The following ARFGEF3 variants were observed in gnomAD, a reference collection of about 807,000 sequenced individuals.
ARFGEF3 encodes brefeldin A-inhibited guanine nucleotide-exchange protein 3.
Under a neutral mutation model 221.7 loss-of-function variants are expected in ARFGEF3, and 96 were observed. That is an observed-to-expected ratio of 0.43 (90% confidence interval 0.37 to 0.51). The LOEUF (loss-of-function observed/expected upper bound fraction) is 0.51. ARFGEF3 is among the 20% of genes least tolerant of loss of function. ARFGEF3 has a pLI of 0.00. For missense variants in ARFGEF3, 2,410 were observed against 2,789.9 expected (o/e 0.86, Z 3.07); for synonymous variants, 1,145 against 1,126.8 (o/e 1.02, Z -0.32).
intron 8 of ARFGEF3, among the ~76,000 whole-genome samples, chr6:138,247,893 T>C (rs1449387071): frequency 6.6e-6 from 1 of 152,126 alleles, no homozygotes; most frequent in Non-Finnish European, 1.5e-5. Context: ...CAGGATTCAT[T>C]TTAGTAACTT....
intron 2 of ARFGEF3, among the ~76,000 whole-genome samples, chr6:138,174,344 C>T (rs968386172): frequency 6.6e-6 from 1 of 151,708 alleles, no homozygotes; most frequent in Non-Finnish European, 1.5e-5. Context: ...GGGCTTTTCC[C>T]CCTGTGTTGT....
Position 138,196,924 on chromosome 6 carries a change from C to G in ARFGEF3, c.138-10118C>G, listed in dbSNP as rs528163258. On this transcript the variant is annotated intron_variant, in intron 2 of 33. Coordinates refer to ENST00000251691, the MANE Select transcript of ARFGEF3 (RefSeq NM_020340.5). ...TCTCGGCTCACCGCAACCTCCGCCTCCCGGGTTCAAACGATTCTCCTGCCT... is the reference window on the plus strand; with the variant it reads ...TCTCGGCTCACCGCAACCTCCGCCTGCCGGGTTCAAACGATTCTCCTGCCT... Among the ~76,000 whole-genome samples the G allele has an allele frequency of 2.6e-5, 4 of 151,144 alleles. No individual in the cohort carries two copies. The South Asian group carries it at 8.5e-4, about 32-fold the overall frequency.
rs1583035243 is a variant in ARFGEF3 at position 138,257,559 on chromosome 6, G to T, written c.1104+1790G>T. Among the ~76,000 whole-genome samples the T allele has an allele frequency of 2.0e-5, 3 of 152,280 alleles. No homozygotes were observed. In the South Asian group the frequency reaches 6.2e-4, roughly 32 times the overall value. ...TAGGCTTTAGGAGGTCAAATGGTTT[G>T]CCCAAAGTCCCAAAGAAAAAGAAAA... On this transcript the variant is annotated intron_variant, in intron 10 of 33. Coordinates refer to ENST00000251691, the MANE Select transcript of ARFGEF3 (RefSeq NM_020340.5).
At chr6:138,213,469 T>C (rs1158786440) in intron 4 of ARFGEF3, among the ~76,000 whole-genome samples, 1 of 151,614 alleles carries the variant, frequency 6.6e-6, no homozygotes, top group Non-Finnish European at 1.5e-5. Context: ...AAAAATATTG[T>C]CACTAAATAT....
intron 4 of ARFGEF3, among the ~76,000 whole-genome samples, chr6:138,223,098 T>C (rs1248728899): frequency 6.6e-6 from 1 of 152,198 alleles, no homozygotes; most frequent in Non-Finnish European, 1.5e-5. Context: ...TGACATTTCA[T>C]GGTCGAGGTA....
intron 22 of ARFGEF3, among the ~76,000 whole-genome samples, chr6:138,300,615 T>C (rs1236597308): frequency 1.3e-5 from 2 of 152,208 alleles, no homozygotes; most frequent in South Asian, 4.1e-4. Context: ...AAGGAAGATA[T>C]TGGGTTGGTG....
intron 6 of ARFGEF3, among the ~76,000 whole-genome samples, chr6:138,239,243 T>G (rs188786316): frequency 1.3e-5 from 2 of 152,198 alleles, no homozygotes; most frequent in Non-Finnish European, 2.9e-5. Flanking sequence ...CTCTTCAAAA[T>G]TGGTGTTTTG....
intron 2 of ARFGEF3, among the ~76,000 whole-genome samples, chr6:138,175,020 G>T (rs1776911633): frequency 6.6e-6 from 1 of 152,160 alleles, no homozygotes; most frequent in African/African-American, 2.4e-5. Flanking sequence ...ATTCAGTTAT[G>T]CATAAAGCAT....
chr6:138,322,532 A>T, intron 29 of ARFGEF3, among the ~76,000 whole-genome samples: 1 of 152,114 alleles, frequency 6.6e-6, no homozygotes, highest in East Asian at 1.9e-4. Context: ...AGCCATAAAA[A>T]ATAATGGGAT....
intron 2 of ARFGEF3, among the ~76,000 whole-genome samples, chr6:138,187,861 A>G (rs1032061008): frequency 2.6e-5 from 4 of 152,140 alleles, no homozygotes; most frequent in African/African-American, 7.2e-5. Flanking sequence ...AGCCAGCAGT[A>G]TGTGTAGGTG....
At chr6:138,272,600 T>C (rs538828429) in intron 12 of ARFGEF3, among the ~76,000 whole-genome samples, 7 of 152,382 alleles carry the variant, frequency 4.6e-5, no homozygotes, top group South Asian at 4.1e-4. Context: ...GATTATTTTC[T>C]TCTTTGTGCC....
At position 138,286,017 on chromosome 6, in the gene ARFGEF3, G is replaced by A. The variant is rs769317412; in HGVS notation, c.2533G>A (p.Ala845Thr). 8.2e-5 allele frequency: 132 copies of A among 1,608,592 alleles called. No homozygotes were observed. The highest frequency in any genetic ancestry group is 9.3e-5 in the Non-Finnish European group (110 of 1,179,342). The change falls in exon 15 of 34, where the codon GCC becomes ACC. Residue 845 changes from alanine (A) to threonine (T), a missense_variant. Transcript: ENST00000251691. ...MASAATESPF[A>T]QSRRIDDSTV... ...CTCGGCTGCTACAGAGTCTCCTTTC[G>A]CCCAGAGCAGGAGAATTGATGACTC...
chr6:138,343,587 T>C lies in ARFGEF3; in HGVS notation c.*7101T>C, dbSNP rs1359705506. The C allele has an allele frequency of 6.6e-6, 1 of 152,208 alleles. No individual in the cohort carries two copies. Among genetic ancestry groups the C allele is most frequent in the African/African-American group, 2.4e-5 (1 of 41,450 alleles). The allele number at this position is 152,208 out of a possible 1,614,324, so 9.4% of individuals were successfully genotyped here. The stretch of plus-strand genomic sequence containing the variant: ...TCAATCTCTAAGAGTAATTTATTTT[T>C]GTTTTACCAACCAGTGCCAAAAAGG... On this transcript the variant is annotated 3_prime_UTR_variant, in exon 34 of 34. Coordinates refer to ENST00000251691, the MANE Select transcript of ARFGEF3 (RefSeq NM_020340.5).
At chr6:138,273,311 T>A (rs1562375662) in intron 12 of ARFGEF3, among the ~76,000 whole-genome samples, 1 of 152,174 alleles carries the variant, frequency 6.6e-6, no homozygotes, top group Non-Finnish European at 1.5e-5. Context: ...ACAGAAGAGA[T>A]TTTAAGAGGT....
Position 138,342,850 on chromosome 6 carries a change from A to G in ARFGEF3, c.*6364A>G, listed in dbSNP as rs1052234224. 2 of 152,228 alleles carry G rather than the reference A, an allele frequency of 1.3e-5. No individual in the cohort carries two copies. The highest frequency in any genetic ancestry group is 2.9e-5 in the Non-Finnish European group (2 of 68,046). 9.4% of individuals were successfully genotyped at this position (152,228 alleles called of 1,614,324 possible). ...TTCATTTAATTTTCTGGCGTAAATT[A>G]ACATTTTAATTTCATATATATCTGT... On this transcript the variant is annotated 3_prime_UTR_variant, in exon 34 of 34. Coordinates refer to ENST00000251691, the MANE Select transcript of ARFGEF3 (RefSeq NM_020340.5).
chr6:138,337,288 G>A lies in ARFGEF3; in HGVS notation c.*802G>A, dbSNP rs1002124766. 1.2e-4 allele frequency: 19 copies of A among 152,698 alleles called. No homozygotes were observed. The highest frequency in any genetic ancestry group is 4.1e-4 in the African/African-American group (17 of 41,546). 9.5% of individuals were successfully genotyped at this position (152,698 alleles called of 1,614,324 possible). A position where few individuals can be genotyped will look rare whatever the true frequency, so the allele number is the denominator to read the frequency against. ...GACCAGCCACCCTGGCTGTTCTTGT[G>A]GTGTTTGTTTCCATCCCCAAGGCAA... is the stretch of plus-strand genomic sequence containing the variant. On this transcript the variant is annotated 3_prime_UTR_variant, in exon 34 of 34. Transcript: ENST00000251691.
At chr6:138,204,339 CAAAAAAAAA>C (rs11336345) in intron 2 of ARFGEF3, among the ~76,000 whole-genome samples, 8,624 of 60,808 alleles carry the variant, frequency 0.14, 756 homozygotes, top group African/African-American at 0.34. Context: ...ACTCCATCTC[CAAAAAAAAA>C]AAAAAAAAAA....
rs1779301336 is a variant in ARFGEF3 at position 138,286,695 on chromosome 6, T to C, written c.2570-6T>C. On this transcript the variant is annotated splice_region_variant and splice_polypyrimidine_tract_variant and intron_variant, in intron 15 of 33. Transcript: ENST00000251691. ...AGAAAATGACACACACCCCTCCATG[T>C]TCCAGGCGTGGCATTTGCTCGCTAT... is the stretch of plus-strand genomic sequence containing the variant. The C allele has an allele frequency of 1.2e-6, 2 of 1,613,600 alleles. No individual in the cohort carries two copies. The highest frequency in any genetic ancestry group is 1.1e-5 in the South Asian group (1 of 91,052).
rs573116197 is a variant in ARFGEF3 at position 138,196,279 on chromosome 6, T to C, written c.138-10763T>C. On this transcript the variant is annotated intron_variant, in intron 2 of 33. Transcript: ENST00000251691. ...AGAAATATGTCATTAGGCAAGTTCATTATTATGCAAACATCATAGAGTGTG... is the reference window on the plus strand; with the variant it reads ...AGAAATATGTCATTAGGCAAGTTCACTATTATGCAAACATCATAGAGTGTG... Among the ~76,000 whole-genome samples, 26 of 152,352 alleles carry C rather than the reference T, an allele frequency of 1.7e-4. No homozygotes were observed. The South Asian group carries it at 5.4e-3, about 32-fold the overall frequency.
Sources: gnomAD v4.1 joint callset for allele counts (sites outside exome capture counted in the v4.1 genomes callset) on GRCh38, gnomAD v4.1.1 for gene constraint, MANE v1.5 for transcripts, NCBI Gene and HGNC (gene_info 2026-07-23, HGNC 2026-07-21) for gene names.